SLC35F3: variants seen among roughly 807,000 people sequenced by gnomAD.
The protein encoded by SLC35F3 is solute carrier family 35 member F3.
Under a neutral mutation model 49.9 loss-of-function variants are expected in SLC35F3, and 25 were observed. The ratio of observed to expected loss-of-function variants is 0.50; its 90% CI spans 0.37 to 0.70. SLC35F3 has a LOEUF of 0.70. SLC35F3 is among the 30% of genes least tolerant of loss of function. The pLI, the probability that SLC35F3 is intolerant of heterozygous loss-of-function variation, is 0.00. For missense variants in SLC35F3, 525 were observed against 639.8 expected, an observed-to-expected ratio of 0.82 and a Z score of 1.94; for synonymous variants, 275 against 265.4, an observed-to-expected ratio of 1.04 and a Z score of -0.35.
chr1:234,117,932 G>GTATA (rs1373405963), intron 2 of SLC35F3, among the ~76,000 whole-genome samples: 1 of 51,742 alleles, frequency 1.9e-5, no homozygotes, highest in Admixed American at 2.3e-4. Flanking sequence ...GTGTGTGTGT[G>GTATA]TGTGTGTGTG....
intron 2 of SLC35F3, among the ~76,000 whole-genome samples, chr1:234,149,505 A>G (rs1666041433): frequency 6.6e-6 from 1 of 152,130 alleles, no homozygotes; most frequent in African/African-American, 2.4e-5. Flanking sequence ...AATGACTTCA[A>G]CGCAGTCCTG....
chr1:234,139,955 A>AAAATAAAAT (rs2102902523), intron 2 of SLC35F3, among the ~76,000 whole-genome samples: 21 of 119,682 alleles, frequency 1.8e-4, no homozygotes, highest in Non-Finnish European at 2.8e-4. Flanking sequence ...TCAAAATAAT[A>AAAATAAAAT]AAATAAAATA....
At chr1:234,207,235 G>C (rs1308236924) in intron 2 of SLC35F3, among the ~76,000 whole-genome samples, 2 of 151,658 alleles carry the variant, frequency 1.3e-5, no homozygotes, top group Admixed American at 6.6e-5. Flanking sequence ...GAGATACAGA[G>C]ACCTGAGCAG....
intron 2 of SLC35F3, among the ~76,000 whole-genome samples, chr1:233,952,801 G>A (rs1162645038): frequency 1.3e-5 from 2 of 152,062 alleles, no homozygotes; most frequent in African/African-American, 4.8e-5. Flanking sequence ...CCATTGACAC[G>A]GGTAGGCTTT....
intron 2 of SLC35F3, among the ~76,000 whole-genome samples, chr1:234,200,501 A>G (rs1447849353): frequency 6.6e-6 from 1 of 152,194 alleles, no homozygotes; most frequent in Non-Finnish European, 1.5e-5. Context: ...AAACTGCCTG[A>G]TAGCCTTACC....
intron 2 of SLC35F3, among the ~76,000 whole-genome samples, chr1:234,145,489 C>A (rs1225692751): frequency 6.6e-6 from 1 of 152,036 alleles, no homozygotes; most frequent in Non-Finnish European, 1.5e-5. Context: ...TCTTCATTTT[C>A]TGAGGCTGAG....
chr1:234,065,555 C>T (rs1664605090), intron 2 of SLC35F3, among the ~76,000 whole-genome samples: 1 of 152,118 alleles, frequency 6.6e-6, no homozygotes, highest in Non-Finnish European at 1.5e-5. Context: ...TACATATATC[C>T]TTTTACTATT....
intron 2 of SLC35F3, among the ~76,000 whole-genome samples, chr1:234,140,001 A>AAATAAAAAAAATAAAAT (rs1489476462): frequency 2.1e-5 from 3 of 142,218 alleles, no homozygotes; most frequent in African/African-American, 7.6e-5. Flanking sequence ...AAATAAAATA[A>AAATAAAAAAAATAAAAT]AGTAAGTGAC....
chr1:233,911,849 G>A (rs775142723), intron 2 of SLC35F3, among the ~76,000 whole-genome samples: 1 of 152,142 alleles, frequency 6.6e-6, no homozygotes, highest in Non-Finnish European at 1.5e-5. Context: ...AGTCTTCCAG[G>A]CTTTAGGGAG....
At chr1:234,257,198 C>T (rs1476990214) in intron 3 of SLC35F3, among the ~76,000 whole-genome samples, 1 of 152,148 alleles carries the variant, frequency 6.6e-6, no homozygotes, top group Non-Finnish European at 1.5e-5. Context: ...GACTTTTACT[C>T]CATGATCCTG....
chr1:234,288,897 T>A (rs1668463977), intron 3 of SLC35F3, among the ~76,000 whole-genome samples: 2 of 152,176 alleles, frequency 1.3e-5, no homozygotes, highest in African/African-American at 4.8e-5. Context: ...GGCTGAGAGA[T>A]CCAAAGGGTA....
chr1:234,213,049 G>A (rs1363145526), intron 2 of SLC35F3: 10 of 151,658 alleles, frequency 6.6e-5, no homozygotes, highest in Non-Finnish European at 1.3e-4. Context: ...CTGTTCAAGA[G>A]GGCAATTAAT....
intron 3 of SLC35F3, among the ~76,000 whole-genome samples, chr1:234,236,925 TTATATATA>T (rs55846915): frequency 0.22 from 20,959 of 96,266 alleles, 2,535 homozygotes; most frequent in Non-Finnish European, 0.24. Flanking sequence ...AAAAAAAAAA[TTATATATA>T]TATATATATA....
rs73106415 is a variant in SLC35F3, at chr1:234,071,545, G to C, written c.284-159872G>C. On this transcript the variant is annotated intron_variant, in intron 2 of 7. Coordinates refer to ENST00000366618, the MANE Select transcript of SLC35F3 (RefSeq NM_173508.4). ...ATTTCTCTCACCTCTGATAGGAGTA[G>C]AGCATTAATGGGTTAAACAGAAATT... Among the ~76,000 whole-genome samples the C allele has an allele frequency of 5.5e-3, 836 of 152,292 alleles. 2 individuals carry two copies. Among genetic ancestry groups the C allele is most frequent in the African/African-American group, 0.019 (786 of 41,556 alleles).
At chr1:234,219,846 G>A (rs974780796) in intron 2 of SLC35F3, among the ~76,000 whole-genome samples, 3 of 152,208 alleles carry the variant, frequency 2.0e-5, no homozygotes, top group African/African-American at 7.2e-5. Flanking sequence ...TGGCATGGTA[G>A]AGGAGTTTGC....
Position 233,905,682 on chromosome 1 carries a change from G to T in SLC35F3, c.207G>T (p.Gly69=). 1.9e-6 allele frequency: 3 copies of T among 1,614,198 alleles called. No individual in the cohort carries two copies. Among genetic ancestry groups the T allele is most frequent in the South Asian group, 1.1e-5 (1 of 91,092 alleles). The change falls in exon 2 of 8, where the codon GGG becomes GGT. Residue 69 remains glycine (G), a synonymous_variant. Coordinates refer to ENST00000366618, the MANE Select transcript of SLC35F3 (RefSeq NM_173508.4). ...SVEDLTSGPV[G]LTSIEERILR... is the part of the protein sequence containing the mutation. ...AGGATCTCACCAGCGGGCCGGTGGG[G>T]CTCACGTCCATCGAGGAGCGGATCC...
At chr1:234,210,903 AG>A (rs1037171043) in intron 2 of SLC35F3, among the ~76,000 whole-genome samples, 1 of 152,258 alleles carries the variant, frequency 6.6e-6, no homozygotes, top group African/African-American at 2.4e-5. Context: ...GACGTGACAG[AG>A]GTCTTCACAA....
At chr1:234,051,993 C>G (rs1365757200) in intron 2 of SLC35F3, among the ~76,000 whole-genome samples, 4 of 152,194 alleles carry the variant, frequency 2.6e-5, no homozygotes, top group African/African-American at 9.7e-5. Flanking sequence ...ATGAAGCCAA[C>G]TTGATCGTGG....
At chr1:233,911,628 A>G (rs1445801727) in intron 2 of SLC35F3, among the ~76,000 whole-genome samples, 2 of 152,236 alleles carry the variant, frequency 1.3e-5, no homozygotes, top group African/African-American at 2.4e-5. Flanking sequence ...CGCATCTGCC[A>G]TGGGGTTAGA....
Sources: allele counts gnomAD v4.1 joint callset (sites outside exome capture counted in the v4.1 genomes callset), GRCh38; gene constraint gnomAD v4.1.1; transcripts MANE v1.5; gene names NCBI Gene and HGNC (gene_info 2026-07-23, HGNC 2026-07-21).